TMEM117: variants seen among roughly 807,000 people sequenced by gnomAD.
TMEM117 encodes transmembrane protein 117.
TMEM117 carries 27 observed loss-of-function variants against 52.4 expected under a neutral mutation model. The ratio of observed to expected loss-of-function variants is 0.51; its 90% CI spans 0.38 to 0.71. TMEM117 has a LOEUF of 0.71. Among genes scored for constraint, TMEM117 ranks in the 30% least tolerant of loss-of-function variants. The pLI, the probability that TMEM117 is intolerant of heterozygous loss-of-function variation, is 0.00. For missense variants in TMEM117, 556 were observed against 630.5 expected, an observed-to-expected ratio of 0.88 and a Z score of 1.26; for synonymous variants, 215 against 206.3, an observed-to-expected ratio of 1.04 and a Z score of -0.36.
chr12:44,364,890 A>G (rs1461752173), intron 6 of TMEM117, among the ~76,000 whole-genome samples: 2 of 152,088 alleles, frequency 1.3e-5, no homozygotes, highest in Admixed American at 6.6e-5. Flanking sequence ...AAGAAACATA[A>G]AAGCTGTGTC....
chr12:44,249,220 A>C (rs1027061269), intron 5 of TMEM117, among the ~76,000 whole-genome samples: 4 of 152,078 alleles, frequency 2.6e-5, no homozygotes, highest in African/African-American at 9.7e-5. Context: ...AGGGGTTTGT[A>C]TTCAAATGTA....
intron 5 of TMEM117, among the ~76,000 whole-genome samples, chr12:44,292,310 C>T (rs1442192444): frequency 6.6e-6 from 1 of 151,614 alleles, no homozygotes; most frequent in African/African-American, 2.4e-5. Context: ...TAATGTCTTC[C>T]CTTTTATTTA....
At chr12:44,344,744 T>C (rs1951462092) in intron 6 of TMEM117, among the ~76,000 whole-genome samples, 1 of 152,104 alleles carries the variant, frequency 6.6e-6, no homozygotes, top group African/African-American at 2.4e-5. Flanking sequence ...CAGAGTCCTG[T>C]GTCCAGTCAG....
At chr12:44,311,777 G>GTATATATA (rs1565701245) in intron 6 of TMEM117, among the ~76,000 whole-genome samples, 3 of 107,608 alleles carry the variant, frequency 2.8e-5, no homozygotes, top group African/African-American at 1.2e-4. Context: ...ATGTATATAT[G>GTATATATA]TGTATATATG....
chr12:44,377,839 C>T (rs1403908066), intron 7 of TMEM117, among the ~76,000 whole-genome samples: 1 of 152,248 alleles, frequency 6.6e-6, no homozygotes, highest in Non-Finnish European at 1.5e-5. Context: ...TAAACCTTTG[C>T]TTCCCAGCTA....
intron 3 of TMEM117, among the ~76,000 whole-genome samples, chr12:43,991,930 C>T (rs1416658829): frequency 1.3e-5 from 2 of 152,038 alleles, no homozygotes; most frequent in Non-Finnish European, 2.9e-5. Context: ...GAGGCCTAGG[C>T]GGACGGGTTG....
At chr12:44,220,236 G>A (rs1188853637) in intron 5 of TMEM117, among the ~76,000 whole-genome samples, 2 of 152,132 alleles carry the variant, frequency 1.3e-5, no homozygotes, top group Non-Finnish European at 2.9e-5. Flanking sequence ...ACAACTCTGA[G>A]CTTGCTTTAC....
intron 7 of TMEM117, among the ~76,000 whole-genome samples, chr12:44,379,851 A>G (rs1160050438): frequency 1.3e-5 from 2 of 152,324 alleles, no homozygotes; most frequent in South Asian, 4.1e-4. Flanking sequence ...AACTAAATAC[A>G]GTGTCACCAC....
chr12:44,333,233 A>C (rs1951295841), intron 6 of TMEM117, among the ~76,000 whole-genome samples: 1 of 152,088 alleles, frequency 6.6e-6, no homozygotes, highest in Non-Finnish European at 1.5e-5. Flanking sequence ...TGCATGGAGT[A>C]GTGTCATTTA....
At chr12:44,296,591 AG>A (rs1048684379) in intron 5 of TMEM117, among the ~76,000 whole-genome samples, 2 of 152,206 alleles carry the variant, frequency 1.3e-5, no homozygotes, top group African/African-American at 4.8e-5. Context: ...CACAGCTGAG[AG>A]GAGCTGGAAC....
chr12:43,961,168 C>T (rs1268930399), intron 3 of TMEM117, among the ~76,000 whole-genome samples: 1 of 151,832 alleles, frequency 6.6e-6, no homozygotes, highest in Non-Finnish European at 1.5e-5. Context: ...GGTATGATGC[C>T]CACCATATAA....
chr12:43,981,907 A>G (rs997119940), intron 3 of TMEM117, among the ~76,000 whole-genome samples: 6 of 152,090 alleles, frequency 3.9e-5, no homozygotes, highest in African/African-American at 1.4e-4. Context: ...GAGAGTTACA[A>G]TTAGATAGGA....
intron 3 of TMEM117, among the ~76,000 whole-genome samples, chr12:44,125,550 C>T (rs73093493): frequency 0.011 from 1,623 of 152,216 alleles, 8 homozygotes; most frequent in Middle Eastern, 0.044. Flanking sequence ...TTTATGGGGT[C>T]AGTGGTGACA....
intron 6 of TMEM117, among the ~76,000 whole-genome samples, chr12:44,371,036 T>C (rs1178953082): frequency 6.6e-6 from 1 of 152,124 alleles, no homozygotes; most frequent in African/African-American, 2.4e-5. Context: ...AGGACAACTT[T>C]GCCAATTAGA....
chr12:44,212,845 C>T (rs192950625), intron 5 of TMEM117, among the ~76,000 whole-genome samples: 1 of 151,758 alleles, frequency 6.6e-6, no homozygotes, highest in East Asian at 1.9e-4. Flanking sequence ...TAACTAAGTA[C>T]TTGAGGAAAA....
At chr12:44,249,459 A>G (rs1259657851) in intron 5 of TMEM117, among the ~76,000 whole-genome samples, 1 of 152,190 alleles carries the variant, frequency 6.6e-6, no homozygotes, top group Non-Finnish European at 1.5e-5. Context: ...CCAAACTACC[A>G]TTGAAATTCT....
chr12:43,796,860 G>C, the TMEM117 span: 3 of 1,133,610 alleles, frequency 2.6e-6, no homozygotes, highest in South Asian at 2.9e-5. Flanking sequence ...TAAGGATTTA[G>C]GATGATAACA....
At chr12:44,034,958 CCT>C (rs1008182299) in intron 3 of TMEM117, among the ~76,000 whole-genome samples, 1 of 152,120 alleles carries the variant, frequency 6.6e-6, no homozygotes, top group African/African-American at 2.4e-5. Flanking sequence ...GGAATTTGCC[CCT>C]GTTGCTTCTC....
intron 4 of TMEM117, among the ~76,000 whole-genome samples, chr12:44,208,733 T>G (rs1000969083): frequency 2.0e-5 from 3 of 148,770 alleles, no homozygotes; most frequent in Admixed American, 6.7e-5. Flanking sequence ...ATGTTTTTTT[T>G]TTTTTTTTTT....
Sources: gnomAD v4.1 joint callset for allele counts (sites outside exome capture counted in the v4.1 genomes callset) on GRCh38, gnomAD v4.1.1 for gene constraint, MANE v1.5 for transcripts, NCBI Gene and HGNC (gene_info 2026-07-23, HGNC 2026-07-21) for gene names.